The following KCNH5 variants were observed in gnomAD, a reference collection of about 807,000 sequenced individuals.
KCNH5 encodes the protein voltage-gated delayed rectifier potassium channel KCNH5.
KCNH5 carries 46 observed loss-of-function variants against 96.1 expected under a neutral mutation model. The ratio of observed to expected loss-of-function variants is 0.48; its 90% confidence interval spans 0.38 to 0.61. KCNH5 has a LOEUF of 0.61. Ranked by LOEUF, KCNH5 falls within the 20% of genes least tolerant of loss-of-function variation. The probability of loss-of-function intolerance (pLI) is 0.00; values close to 1 mark genes in which losing one functional copy is unlikely to be tolerated. For synonymous variants in KCNH5, 439 were observed against 449.8 expected, an observed-to-expected ratio of 0.98 and a Z score of 0.30; for missense variants, 907 against 1,225.8, an observed-to-expected ratio of 0.74 and a Z score of 3.88.
intron 10 of KCNH5, among the ~76,000 whole-genome samples, chr14:62,766,908 A>G (rs746149970): frequency 6.6e-6 from 1 of 152,134 alleles, no homozygotes; most frequent in Admixed American, 6.5e-5. Flanking sequence ...ATTATTTCAC[A>G]TTGCATGCCT....
intron 10 of KCNH5, chr14:62,712,654 C>T (rs1412961307): frequency 5.2e-6 from 4 of 775,960 alleles, no homozygotes; most frequent in Admixed American, 3.4e-5. Flanking sequence ...AGTAGGAAGT[C>T]GTGCAGCAGT....
At chr14:62,818,288 G>T (rs1160637540) in intron 8 of KCNH5, among the ~76,000 whole-genome samples, 1 of 151,914 alleles carries the variant, frequency 6.6e-6, no homozygotes, top group Non-Finnish European at 1.5e-5. Flanking sequence ...TAATTAGCTT[G>T]CTTTTGGTAG....
In KCNH5 at chr14:62,893,086, A is replaced by T. The variant is rs949703087; in HGVS notation, c.1370-43234T>A. Reference sequence around the variant, plus strand: ...TAGTGTAGACAGTGATTCCCCTGATAGATCTGGGCAAAGAAAATTGAAAAC... The same window carrying T: ...TAGTGTAGACAGTGATTCCCCTGATTGATCTGGGCAAAGAAAATTGAAAAC... On this transcript the variant is annotated intron_variant, in intron 7 of 10. Transcript: ENST00000322893. Among the ~76,000 whole-genome samples, 5 of 152,220 alleles carry T rather than the reference A, an allele frequency of 3.3e-5. No homozygotes were observed. The South Asian group carries it at 1.0e-3, about 31-fold the overall frequency.
intron 10 of KCNH5, among the ~76,000 whole-genome samples, chr14:62,765,250 C>T (rs140753307): frequency 0.012 from 1,759 of 152,194 alleles, 30 homozygotes; most frequent in African/African-American, 0.04. Context: ...TTTGAGAAAG[C>T]TGACAAAAAC....
intron 7 of KCNH5, among the ~76,000 whole-genome samples, chr14:62,946,975 G>C (rs898559705): frequency 2.1e-4 from 32 of 152,108 alleles, no homozygotes; most frequent in Admixed American, 8.5e-4. Flanking sequence ...TAAAGGAACA[G>C]TTCTGTATCT....
At chr14:62,857,074 T>A (rs560282567) in intron 7 of KCNH5, among the ~76,000 whole-genome samples, 1 of 152,218 alleles carries the variant, frequency 6.6e-6, no homozygotes, top group African/African-American at 2.4e-5. Flanking sequence ...GTCACCTATC[T>A]TAGAGCTGAT....
intron 7 of KCNH5, among the ~76,000 whole-genome samples, chr14:62,874,462 A>G (rs1342433516): frequency 6.6e-6 from 1 of 152,334 alleles, no homozygotes; most frequent in East Asian, 1.9e-4. Flanking sequence ...AAAGTCAAGA[A>G]ACCAGCAGCA....
intron 7 of KCNH5, among the ~76,000 whole-genome samples, chr14:62,893,059 G>C (rs925049597): frequency 2.6e-5 from 4 of 152,192 alleles, no homozygotes; most frequent in Non-Finnish European, 5.9e-5. Context: ...TAAGGCTATA[G>C]CTAGTGTAGA....
At chr14:62,759,610 T>C (rs533058474) in intron 10 of KCNH5, among the ~76,000 whole-genome samples, 7 of 148,452 alleles carry the variant, frequency 4.7e-5, no homozygotes, top group Admixed American at 1.4e-4. Context: ...TCTTTTCTGC[T>C]GACAAACTTG....
chr14:62,919,640 G>T (rs1026588690), intron 7 of KCNH5, among the ~76,000 whole-genome samples: 3 of 152,064 alleles, frequency 2.0e-5, no homozygotes, highest in Non-Finnish European at 2.9e-5. Context: ...AGGATGAAAT[G>T]AATCAATGTC....
chr14:63,000,394 G>C (rs938182296), intron 4 of KCNH5, among the ~76,000 whole-genome samples: 1 of 152,144 alleles, frequency 6.6e-6, no homozygotes, highest in African/African-American at 2.4e-5. Context: ...CATAATTGGA[G>C]AGAATAAATT....
At chr14:63,014,596 T>C (rs996469456) in intron 2 of KCNH5, among the ~76,000 whole-genome samples, 4 of 152,048 alleles carry the variant, frequency 2.6e-5, no homozygotes, top group Admixed American at 6.6e-5. Context: ...AGAGCAGGAC[T>C]GAAAATAGAT....
chr14:62,935,281 G>T (rs908402092), intron 7 of KCNH5, among the ~76,000 whole-genome samples: 1 of 152,146 alleles, frequency 6.6e-6, no homozygotes, highest in Non-Finnish European at 1.5e-5. Context: ...CTTCAAGGAG[G>T]ATTTACTGAG....
rs66735494 is a variant in KCNH5 at position 62,878,201 on chromosome 14, T to TGG, written c.1370-28351_1370-28350dup. Among the ~76,000 whole-genome samples, 820 of 89,434 alleles carry TGG rather than the reference T, an allele frequency of 9.2e-3. 19 individuals carry two copies. Among genetic ancestry groups the TGG allele is most frequent in the African/African-American group, 0.034 (623 of 18,406 alleles). 58.7% of individuals were successfully genotyped at this position (89,434 alleles called of 152,430 possible). A position where few individuals can be genotyped will look rare whatever the true frequency, so the allele number is the denominator to read the frequency against. Reference sequence around the variant, plus strand: ...CACACTCTGGGGACTGTTGTGGGGATGGGGGGGGGGGCGGAGGGATAGCAT... The same window carrying TGG: ...CACACTCTGGGGACTGTTGTGGGGATGGGGGGGGGGGGGCGGAGGGATAGCAT... On this transcript the variant is annotated intron_variant, in intron 7 of 10. Coordinates refer to ENST00000322893, the MANE Select transcript of KCNH5 (RefSeq NM_139318.5).
intron 6 of KCNH5, among the ~76,000 whole-genome samples, chr14:62,951,360 T>C (rs1890001819): frequency 6.6e-6 from 1 of 152,218 alleles, no homozygotes. Context: ...AGTTACTTTT[T>C]TGGAAGCATG....
chr14:62,767,603 A>G (rs1419782013), intron 10 of KCNH5, among the ~76,000 whole-genome samples: 4 of 152,240 alleles, frequency 2.6e-5, no homozygotes, highest in Non-Finnish European at 5.9e-5. Context: ...GTTTTCACTT[A>G]TAAGTAGGAA....
chr14:62,980,806 C>A (rs1000002596), intron 6 of KCNH5, 66 bp downstream of exon 6: 3 of 1,513,110 alleles, frequency 2.0e-6, no homozygotes, highest in African/African-American at 2.8e-5. Flanking sequence ...CTGTGGAATC[C>A]ATTTATCCTG....
chr14:63,006,870 C>T (rs567702157), intron 2 of KCNH5, among the ~76,000 whole-genome samples: 1 of 152,330 alleles, frequency 6.6e-6, no homozygotes, highest in East Asian at 1.9e-4. Context: ...AACAGCACGG[C>T]TGTTACTCAG....
chr14:62,788,299 T>C (rs1373128405), intron 9 of KCNH5, among the ~76,000 whole-genome samples: 2 of 152,156 alleles, frequency 1.3e-5, no homozygotes, highest in Non-Finnish European at 2.9e-5. Flanking sequence ...CAATTAGAAT[T>C]AGAAGTGGAG....
Sources: gnomAD v4.1 joint callset for allele counts (sites outside exome capture counted in the v4.1 genomes callset) on GRCh38, gnomAD v4.1.1 for gene constraint, MANE v1.5 for transcripts, NCBI Gene and HGNC (gene_info 2026-07-23, HGNC 2026-07-21) for gene names.